Variants in CCDC146 observed in about 807,000 individuals in gnomAD.
CCDC146 encodes coiled-coil domain containing 146.
In CCDC146, 92 loss-of-function variants were observed where a neutral mutation model predicts 119.3. The ratio of observed to expected loss-of-function variants is 0.77; its 90% CI spans 0.65 to 0.92. CCDC146 has a LOEUF of 0.92. Among genes scored for constraint, CCDC146 ranks in the 40% least tolerant of loss-of-function variants. The pLI is 0.00. For synonymous variants in CCDC146, 372 were observed against 371.8 expected, an observed-to-expected ratio of 1.00 and a Z score of -0.01; for missense variants, 1,000 against 1,103.0, an observed-to-expected ratio of 0.91 and a Z score of 1.32.
intron 1 of CCDC146, among the ~76,000 whole-genome samples, chr7:77,160,166 C>T (rs1396904736): frequency 1.3e-5 from 2 of 152,166 alleles, no homozygotes; most frequent in Non-Finnish European, 2.9e-5. Flanking sequence ...GTTTTGGTTA[C>T]TGTAGCCTTG....
intron 2 of CCDC146, chr7:77,199,809 C>T (rs751134997): frequency 1.2e-6 from 2 of 1,609,374 alleles, no homozygotes; most frequent in Non-Finnish European, 1.7e-6. Context: ...CAGTGCTGCT[C>T]ACCCCAGCAG....
At chr7:77,217,142 T>C (rs1354766656) in intron 2 of CCDC146, among the ~76,000 whole-genome samples, 1 of 152,062 alleles carries the variant, frequency 6.6e-6, no homozygotes, top group East Asian at 1.9e-4. Flanking sequence ...AGTAAGAAAA[T>C]CTCTAGAATT....
At chr7:77,225,698 T>A (rs112460697) in intron 2 of CCDC146, among the ~76,000 whole-genome samples, 2 of 152,186 alleles carry the variant, frequency 1.3e-5, no homozygotes, top group African/African-American at 4.8e-5. Flanking sequence ...ATCCCAACAC[T>A]TTGGGAGGCC....
chr7:77,167,858 C>T (rs761314740), intron 2 of CCDC146, 34 bp downstream of exon 2: 1 of 1,600,938 alleles, frequency 6.2e-7, no homozygotes, highest in Non-Finnish European at 8.5e-7. Context: ...TACAGTAAAA[C>T]CCAACTCAAC....
intron 17 of CCDC146, among the ~76,000 whole-genome samples, chr7:77,291,257 G>A (rs1793937137): frequency 6.6e-6 from 1 of 152,144 alleles, no homozygotes; most frequent in Admixed American, 6.5e-5. Context: ...GCTCCACTAT[G>A]GCTATCAGAC....
intron 2 of CCDC146, among the ~76,000 whole-genome samples, chr7:77,227,079 A>G (rs1008895332): frequency 6.6e-6 from 1 of 152,204 alleles, no homozygotes; most frequent in Non-Finnish European, 1.5e-5. Context: ...CATTCTGAAC[A>G]TCTATGACTT....
At chr7:77,290,222 C>T (rs1006788884) in intron 17 of CCDC146, among the ~76,000 whole-genome samples, 1 of 122,554 alleles carries the variant, frequency 8.2e-6, no homozygotes, top group Non-Finnish European at 1.6e-5. Flanking sequence ...AGGGGAACAC[C>T]GGGGCCTGTC....
intron 1 of CCDC146, among the ~76,000 whole-genome samples, chr7:77,130,757 C>G (rs1331230692): frequency 6.7e-6 from 1 of 150,174 alleles, no homozygotes; most frequent in African/African-American, 2.5e-5. Context: ...CGCCACCATG[C>G]CCGGCTAATT....
intron 2 of CCDC146, among the ~76,000 whole-genome samples, chr7:77,184,706 C>T (rs1791637482): frequency 6.6e-6 from 1 of 152,128 alleles, no homozygotes; most frequent in Non-Finnish European, 1.5e-5. Flanking sequence ...AGCATAGGAA[C>T]TTGTTTGCCC....
intron 10 of CCDC146, among the ~76,000 whole-genome samples, chr7:77,274,149 A>G (rs1793579452): frequency 6.6e-6 from 1 of 152,232 alleles, no homozygotes; most frequent in Admixed American, 6.5e-5. Context: ...TCTAAATACA[A>G]AGAGGTTCTA....
At chr7:77,137,804 G>C (rs1412321820) in intron 1 of CCDC146, among the ~76,000 whole-genome samples, 1 of 151,962 alleles carries the variant, frequency 6.6e-6, no homozygotes, top group Non-Finnish European at 1.5e-5. Context: ...TATTGAAGGA[G>C]AAGAACGAAA....
chr7:77,169,459 G>C (rs1350400102), intron 2 of CCDC146, among the ~76,000 whole-genome samples: 2 of 152,372 alleles, frequency 1.3e-5, no homozygotes, highest in East Asian at 3.9e-4. Context: ...ACAAGTTTGG[G>C]ATTTATTGGT....
intron 2 of CCDC146, among the ~76,000 whole-genome samples, chr7:77,210,013 T>C (rs1792153103): frequency 1.3e-5 from 2 of 152,210 alleles, no homozygotes; most frequent in Non-Finnish European, 2.9e-5. Context: ...TAAAATGCCC[T>C]TGGAGACATT....
chr7:77,129,497 TG>T (rs1790752432), intron 1 of CCDC146, among the ~76,000 whole-genome samples: 2 of 152,076 alleles, frequency 1.3e-5, no homozygotes, highest in African/African-American at 4.8e-5. Flanking sequence ...AAGGTTAGAA[TG>T]AATCTTCTGC....
At chr7:77,209,658 G>A (rs939325789) in intron 2 of CCDC146, among the ~76,000 whole-genome samples, 1 of 152,192 alleles carries the variant, frequency 6.6e-6, no homozygotes, top group African/African-American at 2.4e-5. Flanking sequence ...GGTTCTCCAT[G>A]AGGGCTCCAC....
intron 9 of CCDC146, among the ~76,000 whole-genome samples, chr7:77,265,306 T>C (rs1793380114): frequency 6.6e-6 from 1 of 152,232 alleles, no homozygotes; most frequent in Non-Finnish European, 1.5e-5. Flanking sequence ...ATTGATCAAA[T>C]AACTGTTCAG....
intron 1 of CCDC146, among the ~76,000 whole-genome samples, chr7:77,148,065 G>C (rs879935392): frequency 6.6e-6 from 1 of 152,166 alleles, no homozygotes; most frequent in African/African-American, 2.4e-5. Flanking sequence ...TACCCAGTTC[G>C]AGCTTCCAGG....
rs1167797885 is a variant in CCDC146 at position 77,294,645 on chromosome 7, A to C, written c.2665-18A>C. ...CAGAGTTTTCAGAGAACTGAAAAGG[A>C]AAAATCATTCTTTGCAGGAGTTCTT... On this transcript the variant is annotated intron_variant, in intron 18 of 18. Transcript: ENST00000285871. 1 of 1,613,250 alleles carries C rather than the reference A, an allele frequency of 6.2e-7. No homozygotes were observed. Among genetic ancestry groups the C allele is most frequent in the African/African-American group, 1.3e-5 (1 of 74,906 alleles).
At chr7:77,247,700 A>T (rs1792980224) in intron 4 of CCDC146, among the ~76,000 whole-genome samples, 1 of 152,240 alleles carries the variant, frequency 6.6e-6, no homozygotes, top group Non-Finnish European at 1.5e-5. Flanking sequence ...AAAAAAGTTC[A>T]TCACTAATCA....
Sources: allele counts gnomAD v4.1 joint callset (sites outside exome capture counted in the v4.1 genomes callset), GRCh38; gene constraint gnomAD v4.1.1; transcripts MANE v1.5; gene names NCBI Gene and HGNC (gene_info 2026-07-23, HGNC 2026-07-21).